Variants in SLC1A2 observed in about 807,000 individuals in gnomAD.
SLC1A2 encodes excitatory amino acid transporter 2.
Under a neutral mutation model 48.8 loss-of-function variants are expected in SLC1A2, and 15 were observed. The observed-to-expected ratio is 0.31, with a 90% CI of 0.21 to 0.47. The LOEUF is 0.47. Among genes scored for constraint, SLC1A2 ranks in the 20% least tolerant of loss-of-function variants. SLC1A2 has a pLI of 0.99. For synonymous variants in SLC1A2, 279 were observed against 272.6 expected, an observed-to-expected ratio of 1.02 and a Z score of -0.23; for missense variants, 502 against 730.5, an observed-to-expected ratio of 0.69 and a Z score of 3.61.
chr11:35,383,470 GGGAGCCCAACTCT>G (rs938784006), intron 1 of SLC1A2, among the ~76,000 whole-genome samples: 6 of 152,126 alleles, frequency 3.9e-5, no homozygotes, highest in Non-Finnish European at 7.4e-5. Flanking sequence ...TGTGCCAGTG[GGGAGCCCAACTCT>G]GGAGCTGACT....
intron 1 of SLC1A2, among the ~76,000 whole-genome samples, chr11:35,370,135 G>T (rs1321580391): frequency 1.3e-5 from 2 of 152,178 alleles, no homozygotes; most frequent in African/African-American, 4.8e-5. Context: ...CATCAGCCAG[G>T]CAAGGGCTTT....
intron 1 of SLC1A2, among the ~76,000 whole-genome samples, chr11:35,341,262 A>G (rs1245737721): frequency 6.6e-6 from 1 of 152,146 alleles, no homozygotes; most frequent in African/African-American, 2.4e-5. Flanking sequence ...AACGAGACTT[A>G]AGATCGAGGA....
intron 1 of SLC1A2, among the ~76,000 whole-genome samples, chr11:35,403,089 G>A (rs907820446): frequency 6.6e-6 from 1 of 152,206 alleles, no homozygotes; most frequent in Non-Finnish European, 1.5e-5. Flanking sequence ...ATTCCAAGAA[G>A]AACAATGACA....
At chr11:35,298,981 A>G (rs1487912746) in intron 6 of SLC1A2, 1 of 152,260 alleles carries the variant, frequency 6.6e-6, no homozygotes, top group East Asian at 1.9e-4. Flanking sequence ...TGTTTAAGCA[A>G]GAGACTTATT....
chr11:35,419,901 C>A (rs1165136736), upstream of SLC1A2: 2 of 468,934 alleles, frequency 4.3e-6, no homozygotes, highest in Non-Finnish European at 8.8e-6. This position sits in a 1 kb window ranked among gnomAD's most constrained non-coding sequence, Gnocchi z 5.4. Flanking sequence ...CTTCAGCTCA[C>A]ACTCACCCCC....
intron 1 of SLC1A2, chr11:35,374,208 C>A: frequency 1.8e-6 from 1 of 547,716 alleles, no homozygotes; most frequent in Non-Finnish European, 3.1e-6. Flanking sequence ...CGCTCTGTGA[C>A]TTGCTGGCTT....
chr11:35,394,537 G>A (rs746342642), intron 1 of SLC1A2, among the ~76,000 whole-genome samples: 5 of 152,212 alleles, frequency 3.3e-5, no homozygotes, highest in Admixed American at 6.5e-5. Context: ...ACGACCAAAT[G>A]ACCCAGCCAA....
chr11:35,412,443 A>G (rs1345186468), intron 1 of SLC1A2, among the ~76,000 whole-genome samples: 2 of 152,218 alleles, frequency 1.3e-5, no homozygotes, highest in Non-Finnish European at 2.9e-5. Context: ...GGGATTCCCT[A>G]AGGATTGAAG....
intron 1 of SLC1A2, among the ~76,000 whole-genome samples, chr11:35,318,015 C>A (rs972829419): frequency 1.3e-5 from 2 of 152,170 alleles, no homozygotes; most frequent in African/African-American, 4.8e-5. Flanking sequence ...AAACACTGAT[C>A]ATCCAAGCTT....
intron 9 of SLC1A2, among the ~76,000 whole-genome samples, chr11:35,271,096 T>C (rs1850266883): frequency 6.6e-6 from 1 of 152,150 alleles, no homozygotes; most frequent in Non-Finnish European, 1.5e-5. Context: ...ACTGATTGGT[T>C]ATAGGGAATA....
intron 1 of SLC1A2, among the ~76,000 whole-genome samples, chr11:35,411,985 G>T (rs1855476158): frequency 6.7e-6 from 1 of 150,160 alleles, no homozygotes. Flanking sequence ...TTTTTCTTCA[G>T]AGACACTAGG....
intron 3 of SLC1A2, among the ~76,000 whole-genome samples, chr11:35,314,216 G>C (rs1851794934): frequency 6.6e-6 from 1 of 152,232 alleles, no homozygotes; most frequent in Non-Finnish European, 1.5e-5. Context: ...CTTGGTGGTA[G>C]TGAAAAATAA....
chr11:35,274,561 T>TTGTGTGTGTGTGTGTGTGCA, intron 9 of SLC1A2, among the ~76,000 whole-genome samples: 1 of 150,600 alleles, frequency 6.6e-6, no homozygotes, highest in Admixed American at 6.6e-5. Flanking sequence ...TTAGTTAAGT[T>TTGTGTGTGTGTGTGTGTGCA]TGTGTGTGTG....
intron 1 of SLC1A2, among the ~76,000 whole-genome samples, chr11:35,353,357 A>T (rs1050843683): frequency 6.6e-6 from 1 of 152,196 alleles, no homozygotes; most frequent in East Asian, 1.9e-4. Context: ...ACTCCTGCTC[A>T]TCCTTCCAAT....
intron 1 of SLC1A2, among the ~76,000 whole-genome samples, chr11:35,342,391 A>C (rs1235580732): frequency 6.6e-6 from 1 of 152,230 alleles, no homozygotes; most frequent in Non-Finnish European, 1.5e-5. Context: ...CCCGATGCAG[A>C]TACCGACAAA....
At chr11:35,365,133 C>T (rs1318078097) in intron 1 of SLC1A2, among the ~76,000 whole-genome samples, 1 of 152,198 alleles carries the variant, frequency 6.6e-6, no homozygotes, top group Admixed American at 6.5e-5. Flanking sequence ...ATGGGACAAA[C>T]ATCAAAGTGG....
rs61880965 is a variant in SLC1A2, at chr11:35,317,366, C to T, written c.157+11G>A. 1 of 1,613,376 alleles carries T rather than the reference C, an allele frequency of 6.2e-7. No homozygotes were observed. Among genetic ancestry groups the T allele is most frequent in the Non-Finnish European group, 8.5e-7 (1 of 1,179,478 alleles). On this transcript the variant is annotated intron_variant, in intron 2 of 10. Coordinates refer to ENST00000278379, the MANE Select transcript of SLC1A2 (RefSeq NM_004171.4). ...AGAGGGGGCTGGGGGTGGGGTAGTG[C>T]AGGTACCTACCAAACACCGTCAGGG...
chr11:35,318,690 G>T (rs564371274), intron 1 of SLC1A2, among the ~76,000 whole-genome samples: 2 of 152,052 alleles, frequency 1.3e-5, no homozygotes, highest in African/African-American at 2.4e-5. Flanking sequence ...AGCTGTGTGG[G>T]GTGTAGAAAG....
intron 1 of SLC1A2, among the ~76,000 whole-genome samples, chr11:35,403,082 C>T (rs148891008): frequency 6.6e-6 from 1 of 152,214 alleles, no homozygotes; most frequent in African/African-American, 2.4e-5. Context: ...TACTGCTATT[C>T]CAAGAAGAAC....
Sources: gnomAD v4.1 joint callset for allele counts (sites outside exome capture counted in the v4.1 genomes callset) on GRCh38, gnomAD v4.1.1 for gene constraint, Gnocchi (gnomAD v3.1) non-coding constraint, MANE v1.5 for transcripts, NCBI Gene and HGNC (gene_info 2026-07-23, HGNC 2026-07-21) for gene names.